Variants in XPC observed in about 807,000 individuals in gnomAD.
XPC encodes the protein XPC complex subunit, DNA damage recognition and repair factor.
XPC carries 76 observed loss-of-function variants against 95.8 expected under a neutral mutation model. That is an observed-to-expected ratio of 0.79 (90% CI 0.66 to 0.96). The LOEUF (loss-of-function observed/expected upper bound fraction) is 0.96, where lower values mean the gene tolerates loss of function less well. Among genes scored for constraint, XPC ranks in the 40% least tolerant of loss-of-function variants. The pLI, the probability that XPC is intolerant of heterozygous loss-of-function variation, is 0.00. For synonymous variants in XPC, 442 were observed against 442.1 expected (o/e 1.00, Z 0.00); for missense variants, 1,146 against 1,179.8 (o/e 0.97, Z 0.42).
intron 3 of XPC, among the ~76,000 whole-genome samples, chr3:14,168,693 G>A (rs1481780219): frequency 6.6e-6 from 1 of 151,434 alleles, no homozygotes; most frequent in African/African-American, 2.4e-5. Context: ...ACTCATGCAT[G>A]TATGTATATA....
chr3:14,167,058 T>C, intron 5 of XPC, 111 bp downstream of exon 5: 1 of 923,998 alleles, frequency 1.1e-6, no homozygotes, highest in East Asian at 3.0e-5. Flanking sequence ...TCAGAGAGAG[T>C]AAGAAACTTG....
At chr3:14,163,506 CAT>C (rs1696245728) in intron 7 of XPC, among the ~76,000 whole-genome samples, 1 of 152,152 alleles carries the variant, frequency 6.6e-6, no homozygotes, top group South Asian at 2.1e-4. Context: ...GAAAAGGCCA[CAT>C]AGTGTATAAT....
intron 14 of XPC, 92 bp downstream of exon 14, chr3:14,147,816 G>T: frequency 8.7e-7 from 1 of 1,145,672 alleles, no homozygotes; most frequent in Non-Finnish European, 1.3e-6. Flanking sequence ...AAGAGCCTGG[G>T]AGCACACGGA....
rs770358796 is a variant in XPC, at chr3:14,178,552, G to C, written c.17C>G (p.Ala6Gly). 9.9e-6 allele frequency: 16 copies of C among 1,612,938 alleles called. No homozygotes were observed. The highest frequency in any genetic ancestry group is 8.0e-5 in the African/African-American group (6 of 74,912). The change falls in exon 1 of 16, where the codon GCG becomes GGG. Residue 6 changes from alanine to glycine, a missense_variant. By Grantham distance (60) the Ala-to-Gly change is moderately conservative. Coordinates refer to ENST00000285021, the MANE Select transcript of XPC (RefSeq NM_004628.5). Reference protein sequence around the residue: MARKRAAGGEPRGREL... With the variant: MARKRGAGGEPRGREL... The stretch of plus-strand genomic sequence containing the variant: ...GCGTCCCCGCGGCTCCCCGCCGGCC[G>C]CGCGTTTCCGAGCCATGTTGCTTGT...
At chr3:14,176,041 T>G (rs1357384655) in intron 1 of XPC, among the ~76,000 whole-genome samples, 6 of 152,230 alleles carry the variant, frequency 3.9e-5, no homozygotes, top group Non-Finnish European at 8.8e-5. Flanking sequence ...CTCTTGGCTT[T>G]ATATGCTATC....
At position 14,145,338 on chromosome 3, in the gene XPC, G is replaced by A. The variant is rs1235021338; in HGVS notation, c.*603C>T. On this transcript the variant is annotated 3_prime_UTR_variant, in exon 16 of 16. Transcript: ENST00000285021. ...TGATTTTAGCTTTTTTTAGGCTTCTGTCACCACAAAATGTTACTTGGAAAA... is the reference window on the plus strand; with the variant it reads ...TGATTTTAGCTTTTTTTAGGCTTCTATCACCACAAAATGTTACTTGGAAAA... 4.3e-6 allele frequency: 3 copies of A among 698,122 alleles called. No individual in the cohort carries two copies. The highest frequency in any genetic ancestry group is 1.8e-5 in the African/African-American group (1 of 56,852). 43.2% of individuals were successfully genotyped at this position (698,122 alleles called of 1,614,324 possible).
chr3:14,151,243 A>G (rs537797114), intron 11 of XPC: 59 of 152,360 alleles, frequency 3.9e-4, no homozygotes, highest in African/African-American at 1.4e-3. Context: ...ACTTAGGAAC[A>G]AAATGGATTT....
In XPC at chr3:14,170,540, T is replaced by C. The variant is rs1013843130; in HGVS notation, c.310A>G (p.Ser104Gly). ...SDGDDLRDFP[S>G]DLKKAHHLKR... is the part of the protein sequence containing the mutation. ...AGATGGTGTGCCTTCTTGAGGTCAC[T>C]TGGAAAGTCCCTGTGTAAAGACCAC... The change falls in exon 3 of 16, where the codon AGT (serine) becomes GGT (glycine). Residue 104 changes from serine to glycine, a missense_variant. Ser to Gly is a moderately conservative substitution (Grantham distance 56, BLOSUM62 0). Coordinates refer to ENST00000285021, the MANE Select transcript of XPC (RefSeq NM_004628.5). 8 of 1,612,102 alleles carry C rather than the reference T, an allele frequency of 5.0e-6. No individual in the cohort carries two copies. The Admixed American group carries it at 1.0e-4, about 20-fold the overall frequency.
intron 10 of XPC, among the ~76,000 whole-genome samples, chr3:14,154,288 GCAAACAAA>G (rs371069210): frequency 3.9e-5 from 6 of 152,222 alleles, no homozygotes; most frequent in African/African-American, 9.6e-5. Context: ...CTGGGTATAT[GCAAACAAA>G]CAAACAAACA....
chr3:14,170,711 T>C, intron 2 of XPC, 161 bp from the exon 3 acceptor site: 1 of 532,132 alleles, frequency 1.9e-6, no homozygotes, highest in Non-Finnish European at 3.3e-6. Flanking sequence ...TCCATCAACA[T>C]GTGTTCCAAA....
chr3:14,153,589 A>C (rs535323356), intron 10 of XPC: 1 of 179,464 alleles, frequency 5.6e-6, no homozygotes, highest in Non-Finnish European at 1.1e-5. Flanking sequence ...CTTTATGCTA[A>C]GTGAAATAAG....
intron 1 of XPC, among the ~76,000 whole-genome samples, chr3:14,176,390 T>G (rs940946759): frequency 1.3e-5 from 2 of 152,210 alleles, no homozygotes; most frequent in African/African-American, 4.8e-5. Flanking sequence ...CCAGTCAAAC[T>G]TGATTAATCC....
intron 5 of XPC, among the ~76,000 whole-genome samples, chr3:14,166,616 A>G (rs1372122729): frequency 6.6e-6 from 1 of 151,668 alleles, no homozygotes; most frequent in Non-Finnish European, 1.5e-5. Flanking sequence ...TTTCTCCTAG[A>G]CCTGGCTCTA....
At chr3:14,152,645 T>C (rs1695741118) in intron 10 of XPC, 1 of 478,004 alleles carries the variant, frequency 2.1e-6, no homozygotes. Context: ...CTGCAGCCTT[T>C]GTGCCTTGCC....
At chr3:14,178,358 G>T in intron 1 of XPC, 108 bp downstream of exon 1, 1 of 1,286,044 alleles carries the variant, frequency 7.8e-7, no homozygotes, top group Non-Finnish European at 1.0e-6. Context: ...CGCGGAACGC[G>T]CGCAGCAACC....
Position 14,158,151 on chromosome 3 carries a change from C to T in XPC, c.1732G>A (p.Val578Ile), listed in dbSNP as rs1330047294. The change falls in exon 9 of 16, where the codon GTC (valine) becomes ATC (isoleucine). Residue 578 changes from valine (V) to isoleucine (I), a missense_variant. Coordinates refer to ENST00000285021, the MANE Select transcript of XPC (RefSeq NM_004628.5). The surrounding 1 kb of genome is among the most constrained non-coding windows in gnomAD (Gnocchi z 5.2). ...YVVGIDSDGW[V>I]RDVTQRYDPV... ...TCGTACCTCTGTGTGACATCTCGGA[C>T]CCAGCCGTCACTGTCAATGCCCACC... 1 of 1,613,988 alleles carries T rather than the reference C, an allele frequency of 6.2e-7. No homozygotes were observed. The highest frequency in any genetic ancestry group is 1.7e-5 in the Admixed American group (1 of 60,018).
chr3:14,173,355 A>G (rs1696690493), intron 1 of XPC, among the ~76,000 whole-genome samples: 1 of 152,246 alleles, frequency 6.6e-6, no homozygotes, highest in Non-Finnish European at 1.5e-5. Context: ...AATGTCAGCT[A>G]ACCTCCTGCC....
At chr3:14,177,433 T>C (rs1349669188) in intron 1 of XPC, among the ~76,000 whole-genome samples, 6 of 151,924 alleles carry the variant, frequency 3.9e-5, no homozygotes, top group East Asian at 3.9e-4. Flanking sequence ...TTTGAAGAAA[T>C]AGAAAAAATC....
At chr3:14,170,618 T>C (rs568966570) in intron 2 of XPC, 68 bp from the exon 3 acceptor site, 6 of 1,289,294 alleles carry the variant, frequency 4.7e-6, no homozygotes, top group Non-Finnish European at 6.5e-6. Flanking sequence ...TCAAGCTAAA[T>C]GGAATTTTTA....
Sources: allele counts gnomAD v4.1 joint callset (sites outside exome capture counted in the v4.1 genomes callset), GRCh38; gene constraint gnomAD v4.1.1; non-coding constraint Gnocchi (gnomAD v3.1); transcripts MANE v1.5; gene names NCBI Gene and HGNC (gene_info 2026-07-23, HGNC 2026-07-21).